The following KYNU variants were observed in gnomAD, a reference collection of about 807,000 sequenced individuals.
KYNU encodes kynureninase.
Under a neutral mutation model 59.2 loss-of-function variants are expected in KYNU, and 54 were observed. The observed-to-expected ratio is 0.91, with a 90% confidence interval of 0.73 to 1.14. The LOEUF is 1.14. Among genes scored for constraint, KYNU ranks in the 50% most tolerant of loss-of-function variants. The pLI is 0.00. For synonymous variants in KYNU, 177 were observed against 192.0 expected, an observed-to-expected ratio of 0.92 and a Z score of 0.65; for missense variants, 567 against 554.4, an observed-to-expected ratio of 1.02 and a Z score of -0.23.
chr2:143,024,727 G>A (rs1163738601), intron 10 of KYNU, among the ~76,000 whole-genome samples: 1 of 152,010 alleles, frequency 6.6e-6, no homozygotes, highest in Non-Finnish European at 1.5e-5. Flanking sequence ...TGACCATTCT[G>A]AGTTAATCGC....
At chr2:143,012,940 GT>G (rs2105205930) in intron 10 of KYNU, among the ~76,000 whole-genome samples, 1 of 152,144 alleles carries the variant, frequency 6.6e-6, no homozygotes, top group East Asian at 1.9e-4. Flanking sequence ...TCATACATAA[GT>G]GAGATCATGC....
chr2:142,988,690 TA>T (rs1685299055), intron 10 of KYNU, among the ~76,000 whole-genome samples: 1 of 152,006 alleles, frequency 6.6e-6, no homozygotes, highest in Non-Finnish European at 1.5e-5. Context: ...AAGGCCACGT[TA>T]AGGAAAACCT....
At chr2:142,908,407 GTTTT>G (rs546580962) in intron 2 of KYNU, among the ~76,000 whole-genome samples, 1 of 147,252 alleles carries the variant, frequency 6.8e-6, no homozygotes, top group South Asian at 2.2e-4. Flanking sequence ...TGAGAAGTCT[GTTTT>G]TTTTTTATTA....
intron 12 of KYNU, among the ~76,000 whole-genome samples, chr2:143,034,435 C>T (rs555736613): frequency 3.4e-4 from 52 of 152,144 alleles, no homozygotes; most frequent in Non-Finnish European, 7.2e-4. Context: ...TGAACACTTA[C>T]AGCAGTTTCT....
chr2:142,948,336 G>A (rs915382855), intron 4 of KYNU, among the ~76,000 whole-genome samples: 1 of 152,188 alleles, frequency 6.6e-6, no homozygotes, highest in African/African-American at 2.4e-5. Flanking sequence ...TGGCTTAATG[G>A]AATGTTGGGG....
At chr2:142,906,839 C>T (rs915071313) in intron 2 of KYNU, among the ~76,000 whole-genome samples, 15 of 152,240 alleles carry the variant, frequency 9.9e-5, no homozygotes, top group South Asian at 2.1e-4. Flanking sequence ...GGGTTCAGGA[C>T]GACAGCTTTC....
chr2:142,903,790 AG>A (rs1301626488), intron 2 of KYNU, among the ~76,000 whole-genome samples: 1 of 152,170 alleles, frequency 6.6e-6, no homozygotes, highest in East Asian at 1.9e-4. Flanking sequence ...CCTTGACATA[AG>A]GGGCATGGAC....
intron 10 of KYNU, among the ~76,000 whole-genome samples, chr2:143,007,631 G>C (rs1234696489): frequency 8.8e-6 from 1 of 113,442 alleles, no homozygotes; most frequent in African/African-American, 4.1e-5. Context: ...TGAAATGAAG[G>C]AAAAAATGTT....
At chr2:142,911,506 A>C (rs1682478863) in intron 2 of KYNU, among the ~76,000 whole-genome samples, 1 of 152,136 alleles carries the variant, frequency 6.6e-6, no homozygotes, top group Non-Finnish European at 1.5e-5. Context: ...TCATTAGTAA[A>C]GATAGATAAT....
chr2:143,048,747 G>A lies in KYNU; in HGVS notation c.*6575G>A, dbSNP rs535871613. 2 of 152,218 alleles carry A rather than the reference G, an allele frequency of 1.3e-5. No individual in the cohort carries two copies. Among genetic ancestry groups the A allele is most frequent in the Admixed American group, 6.5e-5 (1 of 15,280 alleles). The allele number at this position is 152,218 out of a possible 1,614,324, so 9.4% of individuals were successfully genotyped here. A position where few individuals can be genotyped will look rare whatever the true frequency, so the allele number is the denominator to read the frequency against. On this transcript the variant is annotated 3_prime_UTR_variant, in exon 14 of 14. Coordinates refer to ENST00000264170, the MANE Select transcript of KYNU (RefSeq NM_003937.3). ...TTACAGTATTTTGGCTTCCATTACT[G>A]CTGTTAAGCATTCAGATCATCAGAG...
intron 4 of KYNU, among the ~76,000 whole-genome samples, chr2:142,950,007 A>G (rs6748796): frequency 0.18 from 26,990 of 152,098 alleles, 3,115 homozygotes; most frequent in East Asian, 0.35. Flanking sequence ...TCAAAGTTCC[A>G]TAAATTTCTA....
intron 1 of KYNU, among the ~76,000 whole-genome samples, chr2:142,882,093 C>T (rs1418431125): frequency 1.3e-5 from 2 of 151,826 alleles, no homozygotes. Flanking sequence ...AATTTTTCTT[C>T]CCCAGGTATT....
chr2:143,006,997 C>T lies in KYNU; in HGVS notation c.902+20976C>T, dbSNP rs1429650716. ...AAACTGGAAACTCTAAAACGCAGAG[C>T]GTCTCTCCTCCTCCAAAGGAACGCA... is the stretch of plus-strand genomic sequence containing the variant. On this transcript the variant is annotated intron_variant, in intron 10 of 13. Transcript: ENST00000264170. Among the ~76,000 whole-genome samples, 12 of 152,214 alleles carry T rather than the reference C, an allele frequency of 7.9e-5. No individual in the cohort carries two copies. The South Asian group carries it at 1.5e-3, about 18-fold the overall frequency.
intron 2 of KYNU, among the ~76,000 whole-genome samples, chr2:142,909,239 C>T (rs1405004648): frequency 6.6e-6 from 1 of 151,488 alleles, no homozygotes; most frequent in East Asian, 1.9e-4. Context: ...AAGACTTTAA[C>T]ATAATTACAA....
At chr2:142,924,152 T>C (rs1264900193) in intron 3 of KYNU, among the ~76,000 whole-genome samples, 1 of 152,182 alleles carries the variant, frequency 6.6e-6, no homozygotes, top group African/African-American at 2.4e-5. Context: ...TTGCCCAGGC[T>C]GGAGTGCAGT....
At chr2:142,904,693 G>A (rs1216952375) in intron 2 of KYNU, among the ~76,000 whole-genome samples, 1 of 152,072 alleles carries the variant, frequency 6.6e-6, no homozygotes, top group Non-Finnish European at 1.5e-5. Context: ...ACATTTTAGG[G>A]GTGTTTTTGC....
In KYNU at chr2:142,885,411, G is replaced by A. The variant is rs200861229; in HGVS notation, c.44G>A (p.Arg15His). 5.5e-5 allele frequency: 89 copies of A among 1,613,902 alleles called. No homozygotes were observed. In the East Asian group the frequency reaches 1.5e-3, roughly 27 times the overall value. ...SLELPADTVQ[R>H]IAAELKCHPT... is the part of the protein sequence containing the mutation. ...GAGCTGCCGGCTGACACAGTGCAGC[G>A]CATTGCGGCTGAACTCAAATGCCAC... The change falls in exon 2 of 14, where the codon CGC (arginine) becomes CAC (histidine). Residue 15 changes from arginine (R) to histidine (H), a missense_variant. By Grantham distance (29) the Arg-to-His change is conservative. Coordinates refer to ENST00000264170, the MANE Select transcript of KYNU (RefSeq NM_003937.3).
chr2:142,937,886 A>G (rs1408680457), intron 4 of KYNU, among the ~76,000 whole-genome samples: 1 of 152,254 alleles, frequency 6.6e-6, no homozygotes, highest in South Asian at 2.1e-4. Flanking sequence ...TAATTTAACA[A>G]TCTCCCTTTT....
In KYNU at chr2:143,054,345, T is replaced by C. The variant is rs1215877354; in HGVS notation, c.*12173T>C. 6.6e-6 allele frequency: 1 copy of C among 152,142 alleles called. No individual in the cohort carries two copies. The highest frequency in any genetic ancestry group is 1.5e-5 in the Non-Finnish European group (1 of 68,014). The allele number at this position is 152,142 out of a possible 1,614,324, so 9.4% of individuals were successfully genotyped here. A position where few individuals can be genotyped will look rare whatever the true frequency, so the allele number is the denominator to read the frequency against. ...TTTCTCATATATAATATAGAGCATA[T>C]TATAAATACTCTACTTTGGAAAATT... is the stretch of plus-strand genomic sequence containing the variant. On this transcript the variant is annotated 3_prime_UTR_variant, in exon 14 of 14. Coordinates refer to ENST00000264170, the MANE Select transcript of KYNU (RefSeq NM_003937.3).
Sources: allele counts gnomAD v4.1 joint callset (sites outside exome capture counted in the v4.1 genomes callset), GRCh38; gene constraint gnomAD v4.1.1; transcripts MANE v1.5; gene names NCBI Gene and HGNC (gene_info 2026-07-23, HGNC 2026-07-21).